The following PTPN23 variants were observed in gnomAD, a reference collection of about 807,000 sequenced individuals.
The protein encoded by PTPN23 is protein tyrosine phosphatase non-receptor type 23, also known as tyrosine-protein phosphatase non-receptor type 23.
In PTPN23, 72 loss-of-function variants were observed where a neutral mutation model predicts 156.3. That is an observed-to-expected ratio of 0.46 (90% CI 0.38 to 0.56). The LOEUF (loss-of-function observed/expected upper bound fraction) is 0.56. Ranked by LOEUF, PTPN23 falls within the 20% of genes least tolerant of loss-of-function variation. The pLI is 0.00. For missense variants in PTPN23, 1,974 were observed against 2,171.5 expected (o/e 0.91, Z 1.81); for synonymous variants, 957 against 899.6 (o/e 1.06, Z -1.14).
intron 2 of PTPN23, among the ~76,000 whole-genome samples, chr3:47,403,129 C>T (rs1405007409): frequency 6.6e-6 from 1 of 151,616 alleles, no homozygotes; most frequent in Non-Finnish European, 1.5e-5. Flanking sequence ...CGGCTCACTG[C>T]AGGCTCCGCC....
In PTPN23 at chr3:47,405,339, A is replaced by G; in HGVS notation, c.364+258A>G. 1.8e-6 allele frequency: 1 copy of G among 555,898 alleles called. No homozygotes were observed. The highest frequency in any genetic ancestry group is 2.2e-5 in the South Asian group (1 of 46,104). 34.4% of individuals were successfully genotyped at this position (555,898 alleles called of 1,614,324 possible). On this transcript the variant is annotated intron_variant, in intron 4 of 24. Transcript: ENST00000265562. The surrounding 1 kb of genome is among the most constrained non-coding windows in gnomAD (Gnocchi z 4.7). ...CCACTGTGTGCTCTGTCTGGGAGAG[A>G]GGGCCTTTCTTCTTTGACTGGACAG...
rs1705363468 is a variant in PTPN23 at position 47,412,956 on chromosome 3, A to G, written c.4682A>G (p.Glu1561Gly). ...CCTGAGGCTCCCCAGCCTAAGGAGG[A>G]GCCGCCAGTGCCTGAAGCCCCCAGC... The part of the protein sequence containing the change: ...PLPEAPQPKE[E>G]PPVPEAPSSG... The change falls in exon 25 of 25, where the codon GAG (glutamate) becomes GGG (glycine). Residue 1561 changes from glutamate (E) to glycine (G), a missense_variant. Physicochemically the swap from Glu to Gly is moderately conservative, Grantham distance 98 (BLOSUM62 -2). This residue lies in a region of PTPN23 where 484 missense variants were observed against 516.0 expected (regional missense o/e 0.94). Transcript: ENST00000265562. 1 of 1,359,234 alleles carries G rather than the reference A, an allele frequency of 7.4e-7. No homozygotes were observed. The highest frequency in any genetic ancestry group is 9.7e-7 in the Non-Finnish European group (1 of 1,026,052). The allele number at this position is 1,359,234 out of a possible 1,614,324, so 84.2% of individuals were successfully genotyped here.
chr3:47,381,804 C>G (rs892518944), intron 1 of PTPN23, among the ~76,000 whole-genome samples: 2 of 152,200 alleles, frequency 1.3e-5, no homozygotes, highest in Non-Finnish European at 2.9e-5. Flanking sequence ...CTTTTCGTAA[C>G]CGACTGGAGG....
At position 47,407,926 on chromosome 3, in the gene PTPN23, C is replaced by T; in HGVS notation, c.1155C>T (p.Ala385=). The part of the protein sequence containing the change: ...EKAKLLREMM[A]KIEDKNEVLD... ...CCAAGCTGCTCCGGGAGATGATGGC[C>T]AAGATTGAGGACAAGAATGAGGTCC... The change falls in exon 14 of 25, where the codon GCC becomes GCT. Residue 385 remains alanine (A), a synonymous_variant. Coordinates refer to ENST00000265562, the MANE Select transcript of PTPN23 (RefSeq NM_015466.4). This position sits in a 1 kb window ranked among gnomAD's most constrained non-coding sequence, Gnocchi z 4.0. 1 of 1,614,052 alleles carries T rather than the reference C, an allele frequency of 6.2e-7. No homozygotes were observed. The highest frequency in any genetic ancestry group is 1.1e-5 in the South Asian group (1 of 91,080).
Position 47,406,910 on chromosome 3 carries a change from GCCCTCGT to G in PTPN23, c.807+167_807+173del, listed in dbSNP as rs1705139552. Among the ~76,000 whole-genome samples, 1 of 152,312 alleles carries G rather than the reference GCCCTCGT, an allele frequency of 6.6e-6. No homozygotes were observed. The highest frequency in any genetic ancestry group is 2.4e-5 in the African/African-American group (1 of 41,558). On this transcript the variant is annotated intron_variant, in intron 9 of 24. Transcript: ENST00000265562. This position sits in a 1 kb window ranked among gnomAD's most constrained non-coding sequence, Gnocchi z 5.8. ...TCTTAAGTGTTGTCCCATCTGTGCA[GCCCTCGT>G]CCCTCGGGGTCTGAGGAGGTGGGGC...
chr3:47,402,986 G>A (rs1424454334), intron 2 of PTPN23, among the ~76,000 whole-genome samples: 4 of 152,044 alleles, frequency 2.6e-5, no homozygotes, highest in Admixed American at 6.6e-5. Context: ...GATTATGGGC[G>A]TGAGCCACCT....
chr3:47,406,637 G>A lies in PTPN23; in HGVS notation c.759+25G>A. 2 of 1,613,922 alleles carry A rather than the reference G, an allele frequency of 1.2e-6. No homozygotes were observed. Among genetic ancestry groups the A allele is most frequent in the Non-Finnish European group, 1.7e-6 (2 of 1,179,962 alleles). On this transcript the variant is annotated intron_variant, in intron 8 of 24. Transcript: ENST00000265562. This position sits in a 1 kb window ranked among gnomAD's most constrained non-coding sequence, Gnocchi z 5.8. ...TGTGAGGGCCTGGGGCCCCAGGGCG[G>A]GGCAGGGCGGGGCTGAGTGGCCACA...
At chr3:47,408,107 T>C (rs1705173770) in intron 14 of PTPN23, 152 bp downstream of exon 14, 4 of 1,038,930 alleles carry the variant, frequency 3.9e-6, no homozygotes, top group Admixed American at 2.1e-5. Flanking sequence ...GTGGGGCTAG[T>C]GTGTAAGGCA....
rs1405886447 is a variant in PTPN23, at chr3:47,412,818, C to A, written c.4544C>A (p.Ser1515Tyr). Residue 1515 changes from serine (S) to tyrosine (Y), a missense_variant, in exon 25 of 25, where the codon TCC becomes TAC. Physicochemically the swap from Ser to Tyr is moderately radical, Grantham distance 144. Coordinates refer to ENST00000265562, the MANE Select transcript of PTPN23 (RefSeq NM_015466.4). ...ATTCGGCCTCCTGGGGGGTTGGAGT[C>A]CCCGGTTGCCAGCTTGCCAGGCCCT... ...LSIRPPGGLE[S>Y]PVASLPGPAE... The A allele has an allele frequency of 6.2e-7, 1 of 1,613,484 alleles. No individual in the cohort carries two copies.
chr3:47,411,673 C>T lies in PTPN23; in HGVS notation c.3875C>T (p.Ala1292Val). Residue 1292 changes from alanine (A) to valine (V), a missense_variant, in exon 20 of 25, where the codon GCT (alanine) becomes GTT (valine). By Grantham distance (64) the Ala-to-Val change is moderately conservative (BLOSUM62 0). Coordinates refer to ENST00000265562, the MANE Select transcript of PTPN23 (RefSeq NM_015466.4). The surrounding 1 kb of genome is among the most constrained non-coding windows in gnomAD (Gnocchi z 6.3). ...GTCATTGTCATGCTGGTTTCTGAGG[C>T]TGAGATGGAGAAGGTGAGAAGAGGG... ...VSVIVMLVSE[A>V]EMEKQKVARY... is the part of the protein sequence containing the mutation. 6.2e-7 allele frequency: 1 copy of T among 1,603,480 alleles called. No homozygotes were observed. The highest frequency in any genetic ancestry group is 8.5e-7 in the Non-Finnish European group (1 of 1,172,948).
chr3:47,381,119 C>T lies in PTPN23; in HGVS notation c.23C>T (p.Pro8Leu), dbSNP rs142202446. The change falls in exon 1 of 25, where the codon CCC (proline) becomes CTC (leucine). Residue 8 changes from proline to leucine, a missense_variant. Pro to Leu is a moderately conservative substitution (Grantham distance 98). Around this residue, in one of 4 missense-constraint regions of PTPN23, gnomAD observed 726 missense variants for 929.5 expected, o/e 0.78. Transcript: ENST00000265562. MEAVPRM[P>L]MIWLDLKEAG... ...GCCATGGAGGCCGTGCCCCGCATGC[C>T]CATGATCTGGCTGGACCTGAAGGAG... 5 of 1,586,812 alleles carry T rather than the reference C, an allele frequency of 3.2e-6. No homozygotes were observed. Among genetic ancestry groups the T allele is most frequent in the Non-Finnish European group, 1.7e-6 (2 of 1,167,410 alleles).
In PTPN23 at chr3:47,407,759, A is replaced by G. The variant is rs1197632876; in HGVS notation, c.1066A>G (p.Ile356Val). ...PTDPAVTGPD[I>V]FAKLVPMAAH... is the part of the protein sequence containing the mutation. Reference sequence around the variant, plus strand: ...AGACCCAGCTGTTACAGGCCCTGACATCTTTGCCAAACTGGTACCCATGGC... The same window carrying G: ...AGACCCAGCTGTTACAGGCCCTGACGTCTTTGCCAAACTGGTACCCATGGC... The change falls in exon 13 of 25, where the codon ATC becomes GTC. Residue 356 changes from isoleucine (I) to valine (V), a missense_variant. Physicochemically the swap from Ile to Val is conservative, Grantham distance 29 (BLOSUM62 3). Transcript: ENST00000265562. The surrounding 1 kb of genome is among the most constrained non-coding windows in gnomAD (Gnocchi z 4.0). The G allele has an allele frequency of 6.2e-7, 1 of 1,613,748 alleles. No individual in the cohort carries two copies. The highest frequency in any genetic ancestry group is 1.3e-5 in the African/African-American group (1 of 74,820).
Position 47,411,902 on chromosome 3 carries a change from G to A in PTPN23, c.4008G>A (p.Leu1336=). ...TETHVERVLS[L]QFRDQSLKRS... ...CCCATGTGGAGCGCGTGCTGAGCCT[G>A]CAGTTCCGAGACCAGAGCCTCAAGC... The change falls in exon 21 of 25, where the codon CTG becomes CTA. Residue 1336 remains leucine (L), a synonymous_variant. Coordinates refer to ENST00000265562, the MANE Select transcript of PTPN23 (RefSeq NM_015466.4). The surrounding 1 kb of genome is among the most constrained non-coding windows in gnomAD (Gnocchi z 6.3). 1 of 1,613,422 alleles carries A rather than the reference G, an allele frequency of 6.2e-7. No individual in the cohort carries two copies. Among genetic ancestry groups the A allele is most frequent in the Non-Finnish European group, 8.5e-7 (1 of 1,180,022 alleles).
Position 47,410,849 on chromosome 3 carries a change from G to C in PTPN23, c.3051G>C (p.Gln1017His), listed in dbSNP as rs201017613. The C allele has an allele frequency of 6.0e-4, 925 of 1,529,134 alleles. 1 individual carries two copies. The highest frequency in any genetic ancestry group is 7.5e-4 in the Non-Finnish European group (853 of 1,138,614). 94.7% of individuals were successfully genotyped at this position (1,529,134 alleles called of 1,614,324 possible). A position where few individuals can be genotyped will look rare whatever the true frequency, so the allele number is the denominator to read the frequency against. The change falls in exon 20 of 25, where the codon CAG becomes CAC. Residue 1017 changes from glutamine (Q) to histidine (H), a missense_variant. Physicochemically the swap from Gln to His is conservative, Grantham distance 24. Around this residue, in one of 4 missense-constraint regions of PTPN23, gnomAD observed 731 missense variants for 669.1 expected, o/e 1.09. Transcript: ENST00000265562. The part of the protein sequence containing the change: ...LGQPPPPLHT[Q>H]LYPGPAQDPL... ...AGCCGCCACCCCCCCTACACACCCA[G>C]CTCTACCCAGGTCCCGCTCAAGACC...
chr3:47,407,481 A>G lies in PTPN23; in HGVS notation c.924-24A>G. On this transcript the variant is annotated intron_variant, in intron 11 of 24. Transcript: ENST00000265562. The surrounding 1 kb of genome is among the most constrained non-coding windows in gnomAD (Gnocchi z 4.0). ...CCCCACTGACACCCCGTGACTGCCCACTCCCCCTGCTCCTGATCCCCAGGT... is the reference window on the plus strand; with the variant it reads ...CCCCACTGACACCCCGTGACTGCCCGCTCCCCCTGCTCCTGATCCCCAGGT... The G allele has an allele frequency of 6.2e-7, 1 of 1,611,194 alleles. No individual in the cohort carries two copies. Among genetic ancestry groups the G allele is most frequent in the Non-Finnish European group, 8.5e-7 (1 of 1,177,774 alleles).
intron 1 of PTPN23, among the ~76,000 whole-genome samples, chr3:47,384,623 A>ATCTT (rs1164134284): frequency 5.3e-5 from 8 of 152,034 alleles, no homozygotes; most frequent in Admixed American, 5.2e-4. Context: ...CTTTTGACAA[A>ATCTT]TCTTTCATGG....
chr3:47,381,565 T>G (rs976849872), intron 1 of PTPN23, among the ~76,000 whole-genome samples: 4 of 152,116 alleles, frequency 2.6e-5, no homozygotes, highest in African/African-American at 9.7e-5. Context: ...CGGATTCTTT[T>G]GCTGCGCCCG....
At chr3:47,401,426 C>G (rs554521717) in intron 2 of PTPN23, among the ~76,000 whole-genome samples, 1 of 152,228 alleles carries the variant, frequency 6.6e-6, no homozygotes, top group Admixed American at 6.5e-5. Context: ...AGGCTGGTCT[C>G]AAAATCCTGG....
chr3:47,385,163 A>G (rs1382733365), intron 1 of PTPN23, among the ~76,000 whole-genome samples: 5 of 152,180 alleles, frequency 3.3e-5, no homozygotes, highest in Non-Finnish European at 5.9e-5. Flanking sequence ...CTGATGATGG[A>G]TGACTCTTGT....
Sources: allele counts gnomAD v4.1 joint callset (sites outside exome capture counted in the v4.1 genomes callset), GRCh38; gene constraint gnomAD v4.1.1; regional missense constraint gnomAD v4.1.1; non-coding constraint Gnocchi (gnomAD v3.1); transcripts MANE v1.5; gene names NCBI Gene and HGNC (gene_info 2026-07-23, HGNC 2026-07-21).